Variants in P3H3 observed in about 807,000 individuals in gnomAD.
P3H3 encodes prolyl 3-hydroxylase 3.
A neutral mutation model predicts 78.1 loss-of-function variants in P3H3; 64 were observed. The observed-to-expected ratio is 0.82, with a 90% CI of 0.67 to 1.01. The LOEUF (loss-of-function observed/expected upper bound fraction) is 1.01. Ranked by LOEUF, P3H3 falls within the 50% of genes least tolerant of loss-of-function variation. The probability of loss-of-function intolerance (pLI) is 0.00; values close to 1 mark genes in which losing one functional copy is unlikely to be tolerated. For synonymous variants in P3H3, 425 were observed against 416.7 expected, an observed-to-expected ratio of 1.02 and a Z score of -0.24; for missense variants, 975 against 982.2, an observed-to-expected ratio of 0.99 and a Z score of 0.10.
Position 6,828,425 on chromosome 12 carries a change from C to G in P3H3, c.-16C>G, listed in dbSNP as rs1402914529. 3.3e-6 allele frequency: 2 copies of G among 609,910 alleles called. No individual in the cohort carries two copies. Among genetic ancestry groups the G allele is most frequent in the African/African-American group, 2.0e-5 (1 of 51,216 alleles). 37.8% of individuals were successfully genotyped at this position (609,910 alleles called of 1,614,324 possible). A position where few individuals can be genotyped will look rare whatever the true frequency, so the allele number is the denominator to read the frequency against. ...GGCTCCCGCATTTCCCCTCGGCTGC[C>G]GGCGGCTCCGACATCATGCTCCGGC... On this transcript the variant is annotated 5_prime_UTR_variant, in exon 1 of 15. Transcript: ENST00000290510.
At position 6,829,888 on chromosome 12, in the gene P3H3, A is replaced by C; in HGVS notation, c.528A>C (p.Ala176=). 1 of 1,614,002 alleles carries C rather than the reference A, an allele frequency of 6.2e-7. No individual in the cohort carries two copies. The highest frequency in any genetic ancestry group is 8.5e-7 in the Non-Finnish European group (1 of 1,179,890). Residue 176 remains alanine, a synonymous_variant, in exon 2 of 15, where the codon GCA becomes GCC. Transcript: ENST00000290510. The surrounding 1 kb of genome is among the most constrained non-coding windows in gnomAD (Gnocchi z 5.1). ...QLKKLDLAAA[A]AHTFFVANPM... is the part of the protein sequence containing the mutation. Reference sequence around the variant, plus strand: ...AGAAGCTGGATCTGGCAGCTGCGGCAGCACACACCTTCTTTGTAGCAAACC... The same window carrying C: ...AGAAGCTGGATCTGGCAGCTGCGGCCGCACACACCTTCTTTGTAGCAAACC...
intron 13 of P3H3, 41 bp downstream of exon 13, chr12:6,838,074 A>G: frequency 6.4e-7 from 1 of 1,567,930 alleles, no homozygotes; most frequent in Non-Finnish European, 8.7e-7. Flanking sequence ...CAAAGGGCCC[A>G]GCTGTGGGGT....
At chr12:6,835,943 T>A (rs968419042) in intron 9 of P3H3, among the ~76,000 whole-genome samples, 11 of 152,150 alleles carry the variant, frequency 7.2e-5, no homozygotes, top group African/African-American at 2.7e-4. Context: ...AATGCCACCG[T>A]TGGCTGGCGA....
chr12:6,830,480 C>T lies in P3H3; in HGVS notation c.779C>T (p.Pro260Leu). 1.3e-6 allele frequency: 2 copies of T among 1,587,270 alleles called. No homozygotes were observed. Among genetic ancestry groups the T allele is most frequent in the Non-Finnish European group, 1.7e-6 (2 of 1,167,658 alleles). The part of the protein sequence containing the change: ...MESCRADCEG[P>L]EEQQGAEEEE... ...AGCTGCCGTGCTGACTGTGAGGGGC[C>T]TGAGGAGCAGCAGGGGGCTGAAGAA... is the stretch of plus-strand genomic sequence containing the variant. Residue 260 changes from proline to leucine, a missense_variant, in exon 3 of 15, where the codon CCT becomes CTT. Coordinates refer to ENST00000290510, the MANE Select transcript of P3H3 (RefSeq NM_014262.5).
In P3H3 at chr12:6,830,531, G is replaced by A. The variant is rs1435927662; in HGVS notation, c.830G>A (p.Gly277Glu). Residue 277 changes from glycine (G) to glutamate (E), a missense_variant, in exon 3 of 15, where the codon GGG becomes GAG. Gly to Glu is a moderately conservative substitution (Grantham distance 98). Transcript: ENST00000290510. The stretch of plus-strand genomic sequence containing the variant: ...GAGGAGGATGGGGCTGCGAGCCAGG[G>A]GGGCCTCTATGAGGCCATTGCAGGT... ...EEEEDGAASQ[G>E]GLYEAIAGHW... 7 of 1,573,610 alleles carry A rather than the reference G, an allele frequency of 4.4e-6. No homozygotes were observed. Among genetic ancestry groups the A allele is most frequent in the Non-Finnish European group, 5.2e-6 (6 of 1,160,218 alleles).
chr12:6,835,615 A>G (rs1013901107), intron 9 of P3H3, among the ~76,000 whole-genome samples: 1 of 151,948 alleles, frequency 6.6e-6, no homozygotes, highest in Non-Finnish European at 1.5e-5. Flanking sequence ...TAATTAATTA[A>G]TTAATTAATT....
At chr12:6,836,836 A>T in intron 9 of P3H3, 149 bp from the exon 10 acceptor site, 1 of 622,686 alleles carries the variant, frequency 1.6e-6, no homozygotes, top group Non-Finnish European at 2.8e-6. Flanking sequence ...TCTGGGAAAG[A>T]GCAGCAGCTC....
At chr12:6,833,544 C>T in intron 6 of P3H3, 48 bp from the exon 7 acceptor site, 1 of 1,576,794 alleles carries the variant, frequency 6.3e-7, no homozygotes, top group Non-Finnish European at 8.7e-7. Context: ...GTCAGGGATT[C>T]CAGGGGCTGA....
At chr12:6,838,113 C>A in intron 13 of P3H3, 80 bp downstream of exon 13, 1 of 1,533,580 alleles carries the variant, frequency 6.5e-7, no homozygotes, top group Non-Finnish European at 8.8e-7. Flanking sequence ...GCTCCAGAGG[C>A]AAATGCAGGG....
At position 6,830,016 on chromosome 12, in the gene P3H3, G is replaced by C; in HGVS notation, c.651+5G>C. 1 of 1,613,692 alleles carries C rather than the reference G, an allele frequency of 6.2e-7. No individual in the cohort carries two copies. The highest frequency in any genetic ancestry group is 8.5e-7 in the Non-Finnish European group (1 of 1,179,768). On this transcript the variant is annotated splice_donor_5th_base_variant and intron_variant, in intron 2 of 14. Coordinates refer to ENST00000290510, the MANE Select transcript of P3H3 (RefSeq NM_014262.5). ...CTGGAGACGCCCCCACACTGGGTGA[G>C]AATCCCAGCACCACCCCTGTCTTGC... is the stretch of plus-strand genomic sequence containing the variant.
At position 6,837,818 on chromosome 12, in the gene P3H3, G is replaced by T. The variant is rs781789354; in HGVS notation, c.1798G>T (p.Glu600Ter). The change falls in exon 12 of 15, where the codon GAG becomes TAG. Residue 600 changes from glutamate (E) to a stop codon, truncating the protein, a stop_gained. Coordinates refer to ENST00000290510, the MANE Select transcript of P3H3 (RefSeq NM_014262.5). LOFTEE classifies it high-confidence loss of function. Reference protein sequence around the residue: ...LDPDTGECWREPPAYTYRDYS... With the variant: ...LDPDTGECWR ...CCCTGACACGGGAGAGTGCTGGCGG[G>T]AGCCCCCAGCCTACACCTATCGGGA... 4.3e-6 allele frequency: 7 copies of T among 1,612,360 alleles called. No individual in the cohort carries two copies. The highest frequency in any genetic ancestry group is 4.5e-5 in the East Asian group (2 of 44,852).
At position 6,829,885 on chromosome 12, in the gene P3H3, G is replaced by T. The variant is rs1383614538; in HGVS notation, c.525G>T (p.Ala175=). 5 of 1,613,856 alleles carry T rather than the reference G, an allele frequency of 3.1e-6. No individual in the cohort carries two copies. Among genetic ancestry groups the T allele is most frequent in the Non-Finnish European group, 4.2e-6 (5 of 1,179,892 alleles). The part of the protein sequence containing the change: ...YQLKKLDLAA[A]AAHTFFVANP... ...TGAAGAAGCTGGATCTGGCAGCTGC[G>T]GCAGCACACACCTTCTTTGTAGCAA... Residue 175 remains alanine, a synonymous_variant, in exon 2 of 15, where the codon GCG becomes GCT. Transcript: ENST00000290510. This position sits in a 1 kb window ranked among gnomAD's most constrained non-coding sequence, Gnocchi z 5.1.
In P3H3 at chr12:6,833,664, G is replaced by A; in HGVS notation, c.1265+20G>A. 1.2e-6 allele frequency: 2 copies of A among 1,611,670 alleles called. No homozygotes were observed. Among genetic ancestry groups the A allele is most frequent in the Non-Finnish European group, 1.7e-6 (2 of 1,177,860 alleles). ...GCTCAGGTAGGATATGCCCCATGGT[G>A]GGAGGGGCTTGGCCCGAGCTGGGAG... On this transcript the variant is annotated intron_variant, in intron 7 of 14. Transcript: ENST00000290510.
In P3H3 at chr12:6,828,482, G is replaced by A; in HGVS notation, c.42G>A (p.Leu14=). The change falls in exon 1 of 15, where the codon CTG becomes CTA. Residue 14 remains leucine (L), a synonymous_variant. Transcript: ENST00000290510. ...LLRPLLLLLL[L]PPPGSPEPPG... is the part of the protein sequence containing the mutation. ...GGCCGCTGCTGCTACTGCTGCTGCT[G>A]CCTCCCCCGGGGTCCCCTGAGCCCC... 4 of 1,288,550 alleles carry A rather than the reference G, an allele frequency of 3.1e-6. No homozygotes were observed. Among genetic ancestry groups the A allele is most frequent in the Non-Finnish European group, 2.1e-6 (2 of 962,478 alleles). 79.8% of individuals were successfully genotyped at this position (1,288,550 alleles called of 1,614,324 possible).
intron 9 of P3H3, among the ~76,000 whole-genome samples, chr12:6,834,420 T>C (rs1591580968): frequency 6.6e-6 from 1 of 152,178 alleles, no homozygotes; most frequent in East Asian, 1.9e-4. Flanking sequence ...GAATGACTCA[T>C]ACTCACCAGG....
intron 6 of P3H3, among the ~76,000 whole-genome samples, chr12:6,832,427 G>A (rs944773798): frequency 1.3e-5 from 2 of 152,056 alleles, no homozygotes; most frequent in Non-Finnish European, 2.9e-5. Flanking sequence ...CTATGCCTTG[G>A]AGGGTGTTCA....
chr12:6,831,468 A>C lies in P3H3; in HGVS notation c.1122+116A>C. On this transcript the variant is annotated intron_variant, in intron 5 of 14. Transcript: ENST00000290510. This position sits in a 1 kb window ranked among gnomAD's most constrained non-coding sequence, Gnocchi z 4.6. ...TCTTACCCGAGCACTCTAGTCACCC[A>C]AAGGACTCCAAGTCCAGCATCTGAC... 1 of 1,392,704 alleles carries C rather than the reference A, an allele frequency of 7.2e-7. No homozygotes were observed. The highest frequency in any genetic ancestry group is 9.7e-7 in the Non-Finnish European group (1 of 1,034,174). 86.3% of individuals were successfully genotyped at this position (1,392,704 alleles called of 1,614,324 possible).
chr12:6,839,688 C>A lies in P3H3; in HGVS notation c.*227C>A, dbSNP rs186678605. 1.1e-5 allele frequency: 6 copies of A among 565,862 alleles called. No homozygotes were observed. In the African/African-American group the frequency reaches 1.1e-4, roughly 11 times the overall value. The allele number at this position is 565,862 out of a possible 1,614,324, so 35.1% of individuals were successfully genotyped here. ...GGGAGCTGGGACGGGGCCCCGCTGC[C>A]GGACCTGCAGCCCTGGACAGATGGG... On this transcript the variant is annotated 3_prime_UTR_variant, in exon 15 of 15. Coordinates refer to ENST00000290510, the MANE Select transcript of P3H3 (RefSeq NM_014262.5).
At chr12:6,836,499 CGA>C (rs1943498889) in intron 9 of P3H3, among the ~76,000 whole-genome samples, 1 of 152,098 alleles carries the variant, frequency 6.6e-6, no homozygotes, top group Non-Finnish European at 1.5e-5. Flanking sequence ...ACAGTTTCTC[CGA>C]GAGCATGTCA....
Sources: allele counts gnomAD v4.1 joint callset (sites outside exome capture counted in the v4.1 genomes callset), GRCh38; gene constraint gnomAD v4.1.1; non-coding constraint Gnocchi (gnomAD v3.1); transcripts MANE v1.5; gene names NCBI Gene and HGNC (gene_info 2026-07-23, HGNC 2026-07-21).